The following C10orf90 variants were observed in gnomAD, a reference collection of about 807,000 sequenced individuals.
C10orf90 encodes the protein (E2-independent) E3 ubiquitin-conjugating enzyme FATS.
Under a neutral mutation model 62.5 loss-of-function variants are expected in C10orf90, and 56 were observed. The observed-to-expected ratio is 0.90, with a 90% CI of 0.72 to 1.12. The LOEUF is 1.12. Ranked by LOEUF, C10orf90 falls within the 50% of genes most tolerant of loss-of-function variation. The pLI is 0.00. For synonymous variants in C10orf90, 386 were observed against 340.4 expected (o/e 1.13, Z -1.47); for missense variants, 970 against 880.4 (o/e 1.10, Z -1.29).
At position 126,544,373 on chromosome 10, in the gene C10orf90, G is replaced by A. The variant is rs567237776; in HGVS notation, c.314-30434C>T. 3.9e-5 allele frequency among the ~76,000 whole-genome samples: 6 copies of A among 152,260 alleles called. No homozygotes were observed. The East Asian group carries it at 7.7e-4, about 20-fold the overall frequency. On this transcript the variant is annotated intron_variant, in intron 2 of 9. Transcript: ENST00000488181. ...CCCATCCCCAGCCTGTCAATCATCC[G>A]CCTCTAGAACTTGGCCCATCCTCCC...
At chr10:126,497,381 A>G (rs1862119333) in intron 4 of C10orf90, among the ~76,000 whole-genome samples, 1 of 152,144 alleles carries the variant, frequency 6.6e-6, no homozygotes, top group South Asian at 2.1e-4. Flanking sequence ...ACGGGATGGT[A>G]TTGGTCAGAA....
At position 126,504,292 on chromosome 10, in the gene C10orf90, G is replaced by T. The variant is rs776638669; in HGVS notation, c.1199C>A (p.Ala400Glu). 6 of 1,614,058 alleles carry T rather than the reference G, an allele frequency of 3.7e-6. No homozygotes were observed. Among genetic ancestry groups the T allele is most frequent in the African/African-American group, 1.3e-5 (1 of 74,912 alleles). ...NLNCSSHRLT[A>E]DGVDGLVNRE... ...GTTCACTAGGCCATCTACTCCATCT[G>T]CTGTTAATCTGTGGGAACTACAATT... is the stretch of plus-strand genomic sequence containing the variant. Residue 400 changes from alanine to glutamate, a missense_variant, in exon 4 of 10, where the codon GCA becomes GAA. Transcript: ENST00000488181. This position sits in a 1 kb window ranked among gnomAD's most constrained non-coding sequence, Gnocchi z 4.1.
chr10:126,531,754 C>T (rs1220712553), intron 2 of C10orf90, among the ~76,000 whole-genome samples: 1 of 151,958 alleles, frequency 6.6e-6, no homozygotes, highest in Non-Finnish European at 1.5e-5. Context: ...AAAATAACAA[C>T]TATAAAAGAA....
At chr10:126,564,051 G>A (rs1844238542) in intron 2 of C10orf90, among the ~76,000 whole-genome samples, 1 of 152,094 alleles carries the variant, frequency 6.6e-6, no homozygotes, top group African/African-American at 2.4e-5. Flanking sequence ...CCCACCCCAG[G>A]TGTGAAAACC....
At chr10:126,541,378 C>T (rs1016140848) in intron 2 of C10orf90, among the ~76,000 whole-genome samples, 1 of 151,898 alleles carries the variant, frequency 6.6e-6, no homozygotes, top group African/African-American at 2.4e-5. Flanking sequence ...TAACAATGTA[C>T]ATCAAAGGGC....
At chr10:126,565,438 A>ATATATTATATATAT (rs1491320031) in intron 2 of C10orf90, among the ~76,000 whole-genome samples, 2 of 51,460 alleles carry the variant, frequency 3.9e-5, no homozygotes, top group Non-Finnish European at 6.3e-5. Context: ...TATATATTAT[A>ATATATTATATATAT]CACACACACA....
intron 7 of C10orf90, among the ~76,000 whole-genome samples, chr10:126,436,970 A>G (rs1459574308): frequency 1.3e-5 from 2 of 152,148 alleles, no homozygotes; most frequent in Non-Finnish European, 2.9e-5. Context: ...GGAATGGTCC[A>G]TATGAAGGTG....
chr10:126,453,269 G>A lies in C10orf90; in HGVS notation c.2188+5771C>T, dbSNP rs562992399. Among the ~76,000 whole-genome samples the A allele has an allele frequency of 2.6e-5, 4 of 152,144 alleles. No homozygotes were observed. Reference sequence around the variant, plus strand: ...TGTGCTAGATGCAGCAGGGCCTCTCGCAGTGATTTGGTGTGGAGTATGCCC... The same window carrying A: ...TGTGCTAGATGCAGCAGGGCCTCTCACAGTGATTTGGTGTGGAGTATGCCC... On this transcript the variant is annotated intron_variant, in intron 7 of 9. Coordinates refer to ENST00000488181, the MANE Select transcript of C10orf90 (RefSeq NM_001350921.2). The surrounding 1 kb of genome is among the most constrained non-coding windows in gnomAD (Gnocchi z 4.9).
intron 2 of C10orf90, among the ~76,000 whole-genome samples, chr10:126,612,709 G>C (rs933585126): frequency 1.2e-4 from 19 of 152,114 alleles, no homozygotes; most frequent in Middle Eastern, 3.2e-3. Context: ...CCACTCCTCG[G>C]GGTTCAACTA....
intron 2 of C10orf90, chr10:126,521,235 A>C (rs2133940450): frequency 6.4e-7 from 1 of 1,562,160 alleles, no homozygotes; most frequent in South Asian, 1.1e-5. Flanking sequence ...CAGCGTGGAC[A>C]GAATGAACAG....
At chr10:126,602,534 C>G (rs1430740842) in intron 2 of C10orf90, among the ~76,000 whole-genome samples, 4 of 152,168 alleles carry the variant, frequency 2.6e-5, no homozygotes, top group Admixed American at 2.6e-4. Context: ...GGGCACACAG[C>G]CTGGGCTCAG....
At chr10:126,489,277 T>C (rs1394450322) in intron 4 of C10orf90, among the ~76,000 whole-genome samples, 2 of 152,118 alleles carry the variant, frequency 1.3e-5, no homozygotes, top group Non-Finnish European at 2.9e-5. Context: ...AAAATCCCAT[T>C]ATTATTCTAC....
intron 8 of C10orf90, among the ~76,000 whole-genome samples, chr10:126,427,868 C>T (rs947510662): frequency 1.3e-5 from 2 of 152,156 alleles, no homozygotes; most frequent in African/African-American, 4.8e-5. Context: ...AGTCAATTCT[C>T]CCGAATAAAC....
At chr10:126,561,367 T>C (rs957048899) in intron 2 of C10orf90, among the ~76,000 whole-genome samples, 1 of 152,180 alleles carries the variant, frequency 6.6e-6, no homozygotes, top group Non-Finnish European at 1.5e-5. Flanking sequence ...GAGGCTTGAA[T>C]ACCTTAGAAG....
intron 2 of C10orf90, among the ~76,000 whole-genome samples, chr10:126,606,822 G>A (rs530622748): frequency 6.8e-4 from 104 of 152,252 alleles, no homozygotes; most frequent in Non-Finnish European, 1.3e-3. Flanking sequence ...TTCCTGCATT[G>A]CTGGACCTGA....
At chr10:126,486,422 A>G (rs1454309365) in intron 4 of C10orf90, among the ~76,000 whole-genome samples, 1 of 152,218 alleles carries the variant, frequency 6.6e-6, no homozygotes. Context: ...TATGGACCAG[A>G]AATCTTAATA....
At chr10:126,441,379 G>C (rs1173983352) in intron 7 of C10orf90, among the ~76,000 whole-genome samples, 1 of 151,858 alleles carries the variant, frequency 6.6e-6, no homozygotes, top group Non-Finnish European at 1.5e-5. Context: ...CAAGAAGTCT[G>C]GGATTATGTT....
At chr10:126,660,102 G>A (rs1436278516) in intron 1 of C10orf90, among the ~76,000 whole-genome samples, 1 of 152,174 alleles carries the variant, frequency 6.6e-6, no homozygotes, top group Admixed American at 6.5e-5. Context: ...TTAAAATATA[G>A]TGTGGCAGGC....
intron 2 of C10orf90, among the ~76,000 whole-genome samples, chr10:126,516,589 CA>C (rs1258667738): frequency 6.6e-6 from 1 of 152,216 alleles, no homozygotes; most frequent in Admixed American, 6.5e-5. Context: ...AACATAACAA[CA>C]TACAGTAAAC....
Sources: allele counts gnomAD v4.1 joint callset (sites outside exome capture counted in the v4.1 genomes callset), GRCh38; gene constraint gnomAD v4.1.1; non-coding constraint Gnocchi (gnomAD v3.1); transcripts MANE v1.5; gene names NCBI Gene and HGNC (gene_info 2026-07-23, HGNC 2026-07-21).